Variants in DNAH12 observed in about 807,000 individuals in gnomAD.
DNAH12 encodes the protein dynein axonemal heavy chain 12.
A neutral mutation model predicts 371.5 loss-of-function variants in DNAH12; 285 were observed. The observed-to-expected ratio is 0.77, with a 90% CI of 0.70 to 0.85. DNAH12 has a LOEUF of 0.85. Ranked by LOEUF, DNAH12 falls within the 40% of genes least tolerant of loss-of-function variation. DNAH12 has a pLI of 0.00. For synonymous variants in DNAH12, 1,200 were observed against 1,213.0 expected (o/e 0.99, Z 0.22); for missense variants, 3,611 against 3,689.4 (o/e 0.98, Z 0.55).
At chr3:57,305,071 A>G (rs2061439996) in intron 69 of DNAH12, among the ~76,000 whole-genome samples, 1 of 152,182 alleles carries the variant, frequency 6.6e-6, no homozygotes, top group African/African-American at 2.4e-5. Context: ...CAAACTCGAC[A>G]GTGGTTCCAA....
chr3:57,369,295 T>TTTCG (rs1553666867), intron 55 of DNAH12, among the ~76,000 whole-genome samples: 1 of 142,988 alleles, frequency 7.0e-6, no homozygotes. Context: ...TAATATAGAA[T>TTTCG]TTTAATTATA....
At chr3:57,309,088 T>C (rs2061533188) in intron 69 of DNAH12, 63 bp downstream of exon 69, 1 of 1,323,824 alleles carries the variant, frequency 7.6e-7, no homozygotes, top group African/African-American at 1.5e-5. Context: ...AACACTATTT[T>C]ATTTTTCTTA....
At chr3:57,508,322 A>G in intron 7 of DNAH12, 60 bp downstream of exon 7, 1 of 1,414,606 alleles carries the variant, frequency 7.1e-7, no homozygotes, top group Non-Finnish European at 9.3e-7. Flanking sequence ...AAAATTATAC[A>G]GTCAAAAATA....
intron 59 of DNAH12, among the ~76,000 whole-genome samples, chr3:57,353,768 GA>G (rs2062737396): frequency 6.6e-6 from 1 of 152,122 alleles, no homozygotes. Context: ...AAAAGCATAT[GA>G]AAAAATGCTT....
chr3:57,502,492 A>C lies in DNAH12; in HGVS notation c.1087-13T>G, dbSNP rs1188609783. 10 of 1,611,964 alleles carry C rather than the reference A, an allele frequency of 6.2e-6. 1 individual carries two copies. In the East Asian group the frequency reaches 1.3e-4, roughly 22 times the overall value. On this transcript the variant is annotated splice_polypyrimidine_tract_variant and intron_variant, in intron 9 of 73. Coordinates refer to ENST00000495027, the MANE Select transcript of DNAH12 (RefSeq NM_001366028.2). ...TTGTTTGGACATTCTAACACAAATA[A>C]AAATAATAACAATGTATACAATAAA...
intron 62 of DNAH12, among the ~76,000 whole-genome samples, chr3:57,326,732 A>G (rs1340110985): frequency 6.6e-6 from 1 of 152,212 alleles, no homozygotes. Flanking sequence ...ATGTAAATGG[A>G]CTAAATGCTC....
chr3:57,402,716 A>AG (rs1327029994), intron 43 of DNAH12, among the ~76,000 whole-genome samples: 3 of 152,224 alleles, frequency 2.0e-5, no homozygotes, highest in Non-Finnish European at 4.4e-5. Context: ...AAAGAGAAGC[A>AG]GCTCAATGGG....
intron 28 of DNAH12, 141 bp from the exon 29 acceptor site, chr3:57,444,957 T>C (rs1408920416): frequency 1.9e-6 from 2 of 1,055,656 alleles, no homozygotes; most frequent in East Asian, 3.7e-5. Context: ...CTCTCTGGAA[T>C]CCCTATAATA....
At chr3:57,330,891 A>AAATC (rs925075018) in intron 62 of DNAH12, among the ~76,000 whole-genome samples, 7 of 152,034 alleles carry the variant, frequency 4.6e-5, no homozygotes, top group African/African-American at 9.7e-5. Context: ...TCCTTTCAGA[A>AAATC]AATCAATCAA....
At chr3:57,475,165 T>C (rs985964495) in intron 13 of DNAH12, among the ~76,000 whole-genome samples, 1 of 152,096 alleles carries the variant, frequency 6.6e-6, no homozygotes, top group Non-Finnish European at 1.5e-5. Flanking sequence ...AAAGCAAAAC[T>C]AAACAGCTTC....
At chr3:57,434,605 A>T (rs1000150867) in intron 30 of DNAH12, among the ~76,000 whole-genome samples, 11 of 152,314 alleles carry the variant, frequency 7.2e-5, no homozygotes, top group African/African-American at 2.2e-4. Context: ...ATAATAATAA[A>T]AAAAACCTAA....
At chr3:57,488,175 C>T (rs2066997695) in intron 12 of DNAH12, among the ~76,000 whole-genome samples, 3 of 152,020 alleles carry the variant, frequency 2.0e-5, no homozygotes, top group Admixed American at 2.0e-4. Context: ...GGAAGGTACT[C>T]TTTTTCTTTT....
rs562343761 is a variant in DNAH12, at chr3:57,438,918, C to CG, written c.4546-1859_4546-1858insC. ...CAACAGAGTGAAACTCTGTCTCAGA[C>CG]AAAAAAAAAAAAAAGGAAAGCAACT... On this transcript the variant is annotated intron_variant, in intron 29 of 73. Coordinates refer to ENST00000495027, the MANE Select transcript of DNAH12 (RefSeq NM_001366028.2). Among the ~76,000 whole-genome samples, 21 of 94,516 alleles carry CG rather than the reference C, an allele frequency of 2.2e-4. 1 individual carries two copies. Among genetic ancestry groups the CG allele is most frequent in the East Asian group, 6.1e-4 (2 of 3,304 alleles). 62.0% of individuals were successfully genotyped at this position (94,516 alleles called of 152,430 possible). A position where few individuals can be genotyped will look rare whatever the true frequency, so the allele number is the denominator to read the frequency against.
chr3:57,509,188 G>T lies in DNAH12; in HGVS notation c.494C>A (p.Pro165Gln), dbSNP rs115576589. 21,496 of 1,613,484 alleles carry T rather than the reference G, an allele frequency of 0.013. 178 individuals are homozygous for T. Among genetic ancestry groups the T allele is most frequent in the Non-Finnish European group, 0.015 (18,262 of 1,179,712 alleles). Residue 165 changes from proline to glutamine, a missense_variant, in exon 6 of 74, where the codon CCA (proline) becomes CAA (glutamine). Around this residue, in one of 3 missense-constraint regions of DNAH12, gnomAD observed 1,314 missense variants for 1,398.7 expected, o/e 0.94. Coordinates refer to ENST00000495027, the MANE Select transcript of DNAH12 (RefSeq NM_001366028.2). ...YLVQSVLVKP[P>Q]VKSLEDEGGP... ...TCCTTCATCTTCAAGCGATTTAACT[G>T]GTGGTTTCACAAGAACGCTCTGCAC...
At chr3:57,367,634 A>G (rs2063080044) in intron 56 of DNAH12, among the ~76,000 whole-genome samples, 1 of 152,138 alleles carries the variant, frequency 6.6e-6, no homozygotes, top group African/African-American at 2.4e-5. Flanking sequence ...CACATTCACC[A>G]TCACTATTCA....
chr3:57,379,613 G>C (rs1457661802), intron 51 of DNAH12, among the ~76,000 whole-genome samples: 1 of 151,972 alleles, frequency 6.6e-6, no homozygotes, highest in Non-Finnish European at 1.5e-5. Flanking sequence ...GGCCAAGGCT[G>C]GCAGATCACT....
At chr3:57,444,182 C>T (rs1480472194) in intron 29 of DNAH12, among the ~76,000 whole-genome samples, 2 of 151,576 alleles carry the variant, frequency 1.3e-5, no homozygotes, top group Non-Finnish European at 2.9e-5. Context: ...GCCTGGGCAA[C>T]AAGAGCAAAA....
intron 45 of DNAH12, among the ~76,000 whole-genome samples, chr3:57,390,424 A>AAAATATATATATAT: frequency 6.0e-5 from 2 of 33,438 alleles, no homozygotes; most frequent in Non-Finnish European, 1.4e-4. Flanking sequence ...AAAAAAAAAA[A>AAAATATATATATAT]ATATATATAT....
intron 34 of DNAH12, among the ~76,000 whole-genome samples, chr3:57,426,828 GA>G (rs559705189): frequency 0.3 from 28,249 of 92,902 alleles, 3,221 homozygotes; most frequent in African/African-American, 0.39. Flanking sequence ...GACTGTCTCA[GA>G]AAAAAAAAAA....
Sources: gnomAD v4.1 joint callset for allele counts (sites outside exome capture counted in the v4.1 genomes callset) on GRCh38, gnomAD v4.1.1 for gene constraint, gnomAD v4.1.1 regional missense constraint, MANE v1.5 for transcripts, NCBI Gene and HGNC (gene_info 2026-07-23, HGNC 2026-07-21) for gene names.